ACVR1C: variants seen among roughly 807,000 people sequenced by gnomAD.
ACVR1C encodes activin receptor type-1C.
Under a neutral mutation model 57.9 loss-of-function variants are expected in ACVR1C, and 23 were observed. The observed-to-expected ratio is 0.40, with a 90% CI of 0.29 to 0.56. The LOEUF is 0.56. Ranked by LOEUF, ACVR1C falls within the 20% of genes least tolerant of loss-of-function variation. The pLI, the probability that ACVR1C is intolerant of heterozygous loss-of-function variation, is 0.50. For missense variants in ACVR1C, 480 were observed against 607.9 expected, an observed-to-expected ratio of 0.79 and a Z score of 2.21; for synonymous variants, 214 against 215.3, an observed-to-expected ratio of 0.99 and a Z score of 0.05.
At chr2:157,552,691 T>C (rs947363092) in intron 3 of ACVR1C, among the ~76,000 whole-genome samples, 2 of 152,184 alleles carry the variant, frequency 1.3e-5, no homozygotes, top group Non-Finnish European at 2.9e-5. Flanking sequence ...TAATCAGTGG[T>C]GCAGATCAGG....
chr2:157,601,869 T>C (rs978794167), intron 1 of ACVR1C, among the ~76,000 whole-genome samples: 5 of 152,116 alleles, frequency 3.3e-5, no homozygotes, highest in African/African-American at 1.2e-4. Flanking sequence ...TAAAAAGAGA[T>C]ATTCTAGATA....
At chr2:157,612,864 G>C (rs1418897049) in intron 1 of ACVR1C, among the ~76,000 whole-genome samples, 1 of 152,170 alleles carries the variant, frequency 6.6e-6, no homozygotes, top group Non-Finnish European at 1.5e-5. Flanking sequence ...AACTATAGGG[G>C]CTATGGTTAC....
chr2:157,618,604 T>C (rs1425174885), intron 1 of ACVR1C, among the ~76,000 whole-genome samples: 1 of 151,388 alleles, frequency 6.6e-6, no homozygotes, highest in Non-Finnish European at 1.5e-5. Flanking sequence ...GAATGGAAAA[T>C]TTATAATATG....
chr2:157,622,610 C>T (rs571885672), intron 1 of ACVR1C, among the ~76,000 whole-genome samples: 2 of 152,084 alleles, frequency 1.3e-5, no homozygotes, highest in South Asian at 2.1e-4. Flanking sequence ...TATACAAAAA[C>T]AGTCAAATCA....
At chr2:157,575,531 A>G (rs1688624486) in intron 2 of ACVR1C, among the ~76,000 whole-genome samples, 1 of 152,212 alleles carries the variant, frequency 6.6e-6, no homozygotes, top group South Asian at 2.1e-4. Flanking sequence ...GGCTTCCCAA[A>G]GTGCTAGGAT....
intron 1 of ACVR1C, among the ~76,000 whole-genome samples, chr2:157,612,130 G>T (rs1682548850): frequency 6.6e-6 from 1 of 152,204 alleles, no homozygotes; most frequent in Non-Finnish European, 1.5e-5. Context: ...TGCTCTTGGT[G>T]TGGGCAAAGT....
rs148154636 is a variant in ACVR1C, at chr2:157,595,316, T to G, written c.74-7899A>C. On this transcript the variant is annotated intron_variant, in intron 1 of 8. Coordinates refer to ENST00000243349, the MANE Select transcript of ACVR1C (RefSeq NM_145259.3). ...AGGGGTAGCAGTTGGTGATAACCGC[T>G]CTTGGGTACATAGCAGTGTCTCCAA... Among the ~76,000 whole-genome samples the G allele has an allele frequency of 4.4e-3, 675 of 152,314 alleles. 7 individuals carry two copies. The highest frequency in any genetic ancestry group is 0.016 in the African/African-American group (645 of 41,574).
intron 2 of ACVR1C, among the ~76,000 whole-genome samples, chr2:157,563,223 C>A (rs547988631): frequency 6.6e-6 from 1 of 152,318 alleles, no homozygotes; most frequent in Admixed American, 6.5e-5. Context: ...AAAACCCCAT[C>A]ACCTCAGCCC....
At chr2:157,543,959 T>C (rs918948263) in intron 5 of ACVR1C, among the ~76,000 whole-genome samples, 2 of 151,802 alleles carry the variant, frequency 1.3e-5, no homozygotes, top group African/African-American at 2.4e-5. Flanking sequence ...AGATACAAAA[T>C]AGTGAGCAAC....
At chr2:157,626,954 T>G (rs1383358115) in intron 1 of ACVR1C, among the ~76,000 whole-genome samples, 1 of 152,230 alleles carries the variant, frequency 6.6e-6, no homozygotes, top group African/African-American at 2.4e-5. Flanking sequence ...TTTTATTTTT[T>G]GCATATTTCA....
intron 2 of ACVR1C, among the ~76,000 whole-genome samples, chr2:157,572,565 A>T (rs1688541719): frequency 6.6e-6 from 1 of 152,142 alleles, no homozygotes; most frequent in South Asian, 2.1e-4. Context: ...GTAAAAATGT[A>T]ATGGTATTTA....
rs779041138 is a variant in ACVR1C at position 157,533,990 on chromosome 2, C to T, written c.1410G>A (p.Ala470=). The T allele has an allele frequency of 1.0e-5, 16 of 1,596,342 alleles. No homozygotes were observed. In the Admixed American group the frequency reaches 1.1e-4, roughly 11 times the overall value. The change falls in exon 9 of 9, where the codon GCG becomes GCA. Residue 470 remains alanine (A), a synonymous_variant. Transcript: ENST00000243349. ...IMRECWYANG[A]ARLTALRIKK... ...TAATACGAAGAGCAGTTAGGCGGGC[C>T]GCTCCGTTGGCATACCAACACTCAC...
intron 1 of ACVR1C, among the ~76,000 whole-genome samples, chr2:157,594,219 C>T (rs1291647215): frequency 6.6e-5 from 10 of 152,106 alleles, no homozygotes. Flanking sequence ...TTCACCTGAC[C>T]ACCAGCCACC....
intron 2 of ACVR1C, among the ~76,000 whole-genome samples, chr2:157,559,760 C>T (rs1289219316): frequency 6.6e-6 from 1 of 151,960 alleles, no homozygotes; most frequent in Non-Finnish European, 1.5e-5. Context: ...AAGCACTAAC[C>T]CATAAAGGTG....
At chr2:157,550,819 A>T (rs1687896914) in intron 3 of ACVR1C, among the ~76,000 whole-genome samples, 2 of 152,112 alleles carry the variant, frequency 1.3e-5, no homozygotes, top group African/African-American at 2.4e-5. Flanking sequence ...TTATTTGTGA[A>T]TTTTTTCAAA....
intron 5 of ACVR1C, among the ~76,000 whole-genome samples, chr2:157,543,871 C>T (rs569438566): frequency 2.6e-4 from 39 of 151,822 alleles, no homozygotes; most frequent in Non-Finnish European, 4.6e-4. Flanking sequence ...GCCATTAAAG[C>T]AAGATCTCTG....
intron 4 of ACVR1C, among the ~76,000 whole-genome samples, chr2:157,549,419 C>A (rs1687855736): frequency 6.6e-6 from 1 of 152,084 alleles, no homozygotes; most frequent in South Asian, 2.1e-4. Flanking sequence ...CACCCTGATG[C>A]CTCCGTATCT....
At chr2:157,583,237 C>T (rs945605936) in intron 2 of ACVR1C, among the ~76,000 whole-genome samples, 2 of 152,162 alleles carry the variant, frequency 1.3e-5, no homozygotes, top group Non-Finnish European at 2.9e-5. Flanking sequence ...CATATACTAG[C>T]AATTAACATT....
intron 1 of ACVR1C, among the ~76,000 whole-genome samples, chr2:157,607,647 A>G (rs1236561135): frequency 6.6e-6 from 1 of 151,548 alleles, no homozygotes; most frequent in Non-Finnish European, 1.5e-5. Flanking sequence ...TTCTTTCATC[A>G]GTGTTTTCTG....
Sources: allele counts gnomAD v4.1 joint callset (sites outside exome capture counted in the v4.1 genomes callset), GRCh38; gene constraint gnomAD v4.1.1; transcripts MANE v1.5; gene names NCBI Gene and HGNC (gene_info 2026-07-23, HGNC 2026-07-21).